ENTREP2: variants seen among roughly 807,000 people sequenced by gnomAD.
ENTREP2 encodes endosomal transmembrane epsin interactor 2.
the ENTREP2 span, among the ~76,000 whole-genome samples, chr15:29,606,038 T>C: frequency 6.6e-6 from 1 of 152,070 alleles, no homozygotes. Flanking sequence ...ATTTTTATTT[T>C]TATAGCTTTA....
chr15:29,295,957 A>G, the ENTREP2 span, among the ~76,000 whole-genome samples: 1 of 152,224 alleles, frequency 6.6e-6, no homozygotes, highest in African/African-American at 2.4e-5. Flanking sequence ...ACTGCTGTAT[A>G]AAAAACTTTG....
the ENTREP2 span, among the ~76,000 whole-genome samples, chr15:29,642,637 G>A: frequency 5.3e-5 from 8 of 149,784 alleles, no homozygotes; most frequent in African/African-American, 2.0e-4. Flanking sequence ...TTTTTGAGAC[G>A]GTGTTTTGCT....
chr15:29,628,219 T>C, the ENTREP2 span, among the ~76,000 whole-genome samples: 1 of 152,242 alleles, frequency 6.6e-6, no homozygotes, highest in Non-Finnish European at 1.5e-5. Flanking sequence ...TGCATTTCTC[T>C]AGTAATAATG....
chr15:29,209,581 G>T, the ENTREP2 span, among the ~76,000 whole-genome samples: 1 of 152,148 alleles, frequency 6.6e-6, no homozygotes, highest in Non-Finnish European at 1.5e-5. Flanking sequence ...GGACCTCAAG[G>T]CCTGCCTCAG....
At chr15:29,382,844 A>G in the ENTREP2 span, among the ~76,000 whole-genome samples, 1 of 151,934 alleles carries the variant, frequency 6.6e-6, no homozygotes, top group Non-Finnish European at 1.5e-5. Flanking sequence ...CTTCCCACCC[A>G]CTACCATCTA....
chr15:29,653,326 C>T, the ENTREP2 span, among the ~76,000 whole-genome samples: 1 of 152,164 alleles, frequency 6.6e-6, no homozygotes, highest in African/African-American at 2.4e-5. Flanking sequence ...CTTCTTGTTT[C>T]TTGCTTCTGT....
chr15:29,186,754 C>T, the ENTREP2 span, among the ~76,000 whole-genome samples: 1 of 152,118 alleles, frequency 6.6e-6, no homozygotes, highest in African/African-American at 2.4e-5. Context: ...CCCAGAAGGC[C>T]TCATAAAGCT....
At chr15:29,404,855 G>A in the ENTREP2 span, among the ~76,000 whole-genome samples, 1 of 151,936 alleles carries the variant, frequency 6.6e-6, no homozygotes, top group Non-Finnish European at 1.5e-5. Context: ...ACCCAGATGT[G>A]CCTGTCAGGG....
the ENTREP2 span, among the ~76,000 whole-genome samples, chr15:29,172,847 G>A: frequency 6.6e-6 from 1 of 152,070 alleles, no homozygotes; most frequent in Non-Finnish European, 1.5e-5. Flanking sequence ...CCTGGACTCT[G>A]AGGTGGCCTC....
At chr15:29,315,140 A>G in the ENTREP2 span, among the ~76,000 whole-genome samples, 1 of 152,222 alleles carries the variant, frequency 6.6e-6, no homozygotes, top group East Asian at 1.9e-4. Context: ...AGAAGATACA[A>G]CAGCAAAGAG....
the ENTREP2 span, among the ~76,000 whole-genome samples, chr15:29,333,966 A>G: frequency 6.6e-6 from 1 of 152,062 alleles, no homozygotes; most frequent in African/African-American, 2.4e-5. Flanking sequence ...ACGTCACGTC[A>G]CGGATTACCA....
At chr15:29,633,919 T>C in the ENTREP2 span, among the ~76,000 whole-genome samples, 1 of 151,996 alleles carries the variant, frequency 6.6e-6, no homozygotes, top group Non-Finnish European at 1.5e-5. Flanking sequence ...AGATCGTGCC[T>C]CTGCACTCCA....
At chr15:29,496,477 A>G in the ENTREP2 span, among the ~76,000 whole-genome samples, 1 of 152,050 alleles carries the variant, frequency 6.6e-6, no homozygotes, top group Admixed American at 6.5e-5. Context: ...AAGTGGTGAG[A>G]GTGGGCATCC....
chr15:29,269,374 A>T, the ENTREP2 span: 4 of 1,614,044 alleles, frequency 2.5e-6, no homozygotes, highest in Non-Finnish European at 3.4e-6. Context: ...GTGCTTCAGT[A>T]TGTCGGCCCG....
At chr15:29,194,986 G>T in the ENTREP2 span, 1 of 301,296 alleles carries the variant, frequency 3.3e-6, no homozygotes, top group Non-Finnish European at 4.9e-6. Context: ...GTGAGCAACG[G>T]CTGCCCGTGT....
chr15:29,177,406 T>C, the ENTREP2 span, among the ~76,000 whole-genome samples: 2 of 152,182 alleles, frequency 1.3e-5, no homozygotes, highest in Non-Finnish European at 2.9e-5. Context: ...AGAAAATATA[T>C]TGGTGGTTGT....
At chr15:29,227,840 AT>A in the ENTREP2 span, among the ~76,000 whole-genome samples, 1 of 152,366 alleles carries the variant, frequency 6.6e-6, no homozygotes, top group East Asian at 1.9e-4. Context: ...CCAAGTAGAA[AT>A]CAGTTACAGA....
chr15:29,349,165 A>C, the ENTREP2 span, among the ~76,000 whole-genome samples: 1 of 152,080 alleles, frequency 6.6e-6, no homozygotes, highest in South Asian at 2.1e-4. Context: ...CTGCAAAACC[A>C]GCTCCCATCA....
the ENTREP2 span, among the ~76,000 whole-genome samples, chr15:29,144,565 C>A: frequency 1.3e-4 from 19 of 151,932 alleles, no homozygotes; most frequent in Non-Finnish European, 1.5e-4. Flanking sequence ...CCTGTCTCTA[C>A]AAAAAAATTA....
Sources: gnomAD v4.1 joint callset for allele counts (sites outside exome capture counted in the v4.1 genomes callset) on GRCh38, gnomAD v4.1.1 for gene constraint, MANE v1.5 for transcripts, NCBI Gene and HGNC (gene_info 2026-07-23, HGNC 2026-07-21) for gene names.